The following BICC1 variants were observed in gnomAD, a reference collection of about 807,000 sequenced individuals.
BICC1 encodes the protein protein bicaudal C homolog 1.
Under a neutral mutation model 111.0 loss-of-function variants are expected in BICC1, and 43 were observed. That is an observed-to-expected ratio of 0.39 (90% CI 0.30 to 0.50). The LOEUF (loss-of-function observed/expected upper bound fraction) is 0.50. BICC1 is among the 20% of genes least tolerant of loss of function. BICC1 has a pLI of 0.88. For synonymous variants in BICC1, 467 were observed against 434.4 expected, an observed-to-expected ratio of 1.07 and a Z score of -0.93; for missense variants, 1,091 against 1,203.2, an observed-to-expected ratio of 0.91 and a Z score of 1.38.
intron 1 of BICC1, among the ~76,000 whole-genome samples, chr10:58,616,590 T>A (rs973478408): frequency 2.0e-5 from 3 of 152,320 alleles, no homozygotes; most frequent in Admixed American, 1.3e-4. Context: ...GACAGTCCAT[T>A]GTTACCCCAC....
chr10:58,542,150 CAAAAAAAA>C (rs149049552), intron 1 of BICC1, among the ~76,000 whole-genome samples: 1 of 82,366 alleles, frequency 1.2e-5, no homozygotes, highest in East Asian at 3.5e-4. Flanking sequence ...GACCCTGTCT[CAAAAAAAA>C]AAAAAAAACA....
intron 1 of BICC1, among the ~76,000 whole-genome samples, chr10:58,597,155 C>A (rs114232862): frequency 0.013 from 2,027 of 152,176 alleles, 44 homozygotes; most frequent in African/African-American, 0.047. Flanking sequence ...ACAAAGAGAG[C>A]AATTTTACAG....
chr10:58,664,342 C>T (rs968457559), intron 2 of BICC1, among the ~76,000 whole-genome samples: 1 of 152,124 alleles, frequency 6.6e-6, no homozygotes, highest in Admixed American at 6.5e-5. Context: ...TGTGCTTAAT[C>T]ATTGTTTCCT....
intron 1 of BICC1, among the ~76,000 whole-genome samples, chr10:58,528,276 C>T (rs1056996872): frequency 6.6e-6 from 1 of 151,776 alleles, no homozygotes; most frequent in Non-Finnish European, 1.5e-5. Context: ...TCTGTCTTCA[C>T]CCTCAATCTA....
chr10:58,570,035 A>G (rs1017989703), intron 1 of BICC1, among the ~76,000 whole-genome samples: 3 of 152,158 alleles, frequency 2.0e-5, no homozygotes, highest in Non-Finnish European at 4.4e-5. Context: ...CTATTTTTCC[A>G]CATTCTCTCC....
chr10:58,565,722 A>G (rs1385414104), intron 1 of BICC1, among the ~76,000 whole-genome samples: 2 of 152,166 alleles, frequency 1.3e-5, no homozygotes, highest in African/African-American at 2.4e-5. Flanking sequence ...TGACTGATCT[A>G]TGAAGGAAGG....
intron 3 of BICC1, among the ~76,000 whole-genome samples, chr10:58,753,677 AACAC>A (rs918727320): frequency 6.6e-6 from 1 of 151,388 alleles, no homozygotes; most frequent in African/African-American, 2.4e-5. Flanking sequence ...TAAGTTGGAA[AACAC>A]ACACACAGAC....
chr10:58,556,964 C>T (rs889526090), intron 1 of BICC1, among the ~76,000 whole-genome samples: 3 of 151,946 alleles, frequency 2.0e-5, no homozygotes, highest in African/African-American at 4.8e-5. Flanking sequence ...ATTCTCATTC[C>T]AGGAATTCAT....
rs61692850 is a variant in BICC1, at chr10:58,555,306, A to ATTTTTTT, written c.190+41995_190+42001dup. On this transcript the variant is annotated intron_variant, in intron 1 of 20. Transcript: ENST00000373886. ...CTGAAGAGAATAGAGGCTGTTGGAC[A>ATTTTTTT]TTTTTTTTTTTTTTTTTTTTTTTTT... is the stretch of plus-strand genomic sequence containing the variant. 2.5e-3 allele frequency among the ~76,000 whole-genome samples: 260 copies of ATTTTTTT among 102,498 alleles called. 13 individuals carry two copies. Among genetic ancestry groups the ATTTTTTT allele is most frequent in the Middle Eastern group, 6.5e-3 (1 of 154 alleles). 67.2% of individuals were successfully genotyped at this position (102,498 alleles called of 152,430 possible). A position where few individuals can be genotyped will look rare whatever the true frequency, so the allele number is the denominator to read the frequency against.
intron 3 of BICC1, among the ~76,000 whole-genome samples, chr10:58,748,481 G>T (rs1337201734): frequency 2.6e-5 from 4 of 151,996 alleles, no homozygotes; most frequent in Non-Finnish European, 5.9e-5. Flanking sequence ...TGGGGAGAAT[G>T]AAAATACCTC....
In BICC1 at chr10:58,658,516, A is replaced by G. The variant is rs77630441; in HGVS notation, c.237+37615A>G. 9.4e-3 allele frequency among the ~76,000 whole-genome samples: 1,434 copies of G among 152,120 alleles called. 14 individuals are homozygous for G. The highest frequency in any genetic ancestry group is 0.015 in the Non-Finnish European group (1,019 of 67,982). On this transcript the variant is annotated intron_variant, in intron 2 of 20. Transcript: ENST00000373886. The stretch of plus-strand genomic sequence containing the variant: ...TACTTTTTAAATGTAGATTACCACT[A>G]TGATAGTTGCCAAATGGTGATTAAT...
intron 1 of BICC1, among the ~76,000 whole-genome samples, chr10:58,585,753 A>G (rs544474447): frequency 6.6e-6 from 1 of 152,322 alleles, no homozygotes; most frequent in Admixed American, 6.5e-5. Flanking sequence ...TGAATTTGGT[A>G]TAATTTCTTA....
intron 3 of BICC1, among the ~76,000 whole-genome samples, chr10:58,736,391 A>AATG (rs397772932): frequency 2.0e-5 from 3 of 151,424 alleles, no homozygotes; most frequent in Admixed American, 6.6e-5. Flanking sequence ...AAAACAACAT[A>AATG]TGTAGAATTT....
intron 2 of BICC1, among the ~76,000 whole-genome samples, chr10:58,651,721 G>A (rs1420133570): frequency 2.0e-5 from 3 of 152,074 alleles, no homozygotes; most frequent in African/African-American, 7.2e-5. Context: ...AGTAAATACA[G>A]TGTGTTTTTA....
In BICC1 at chr10:58,621,047, A is replaced by C. The variant is rs558602086; in HGVS notation, c.237+146A>C. 1.0e-5 allele frequency: 6 copies of C among 584,146 alleles called. No homozygotes were observed. The East Asian group carries it at 1.8e-4, about 18-fold the overall frequency. The allele number at this position is 584,146 out of a possible 1,614,324, so 36.2% of individuals were successfully genotyped here. A position where few individuals can be genotyped will look rare whatever the true frequency, so the allele number is the denominator to read the frequency against. On this transcript the variant is annotated intron_variant, in intron 2 of 20. Coordinates refer to ENST00000373886, the MANE Select transcript of BICC1 (RefSeq NM_001080512.3). ...GAGCTGGAAACACTCAGAGCTAGCC[A>C]GGAAAAGAGGGGATGCTGTATGAAA...
chr10:58,692,522 A>G (rs1015725737), intron 2 of BICC1, among the ~76,000 whole-genome samples: 3 of 152,204 alleles, frequency 2.0e-5, no homozygotes, highest in Non-Finnish European at 1.5e-5. Flanking sequence ...TGTCAGTCAT[A>G]AATGTATAGG....
chr10:58,580,252 GTCC>G (rs1489186042), intron 1 of BICC1, among the ~76,000 whole-genome samples: 6 of 152,092 alleles, frequency 3.9e-5, no homozygotes, highest in African/African-American at 1.4e-4. Context: ...TCGAACTCCT[GTCC>G]TCAAGTGATC....
At chr10:58,514,052 T>G (rs555318715) in intron 1 of BICC1, among the ~76,000 whole-genome samples, 1 of 152,370 alleles carries the variant, frequency 6.6e-6, no homozygotes, top group African/African-American at 2.4e-5. Flanking sequence ...TTAGAATTAT[T>G]TTTAACTCTT....
At chr10:58,701,554 C>T (rs1027118025) in intron 2 of BICC1, among the ~76,000 whole-genome samples, 33 of 152,178 alleles carry the variant, frequency 2.2e-4, no homozygotes, top group African/African-American at 6.3e-4. Flanking sequence ...AGTCTTACGA[C>T]GTGATGTCGC....
Sources: allele counts gnomAD v4.1 joint callset (sites outside exome capture counted in the v4.1 genomes callset), GRCh38; gene constraint gnomAD v4.1.1; transcripts MANE v1.5; gene names NCBI Gene and HGNC (gene_info 2026-07-23, HGNC 2026-07-21).